The following SLC30A8 variants were observed in gnomAD, a reference collection of about 807,000 sequenced individuals.
SLC30A8 encodes the protein solute carrier family 30 member 8, also known as proton-coupled zinc antiporter SLC30A8.
SLC30A8 carries 27 observed loss-of-function variants against 36.9 expected under a neutral mutation model. The ratio of observed to expected loss-of-function variants is 0.73; its 90% confidence interval spans 0.54 to 1.01. The LOEUF (loss-of-function observed/expected upper bound fraction) is 1.01, where lower values mean the gene tolerates loss of function less well. Among genes scored for constraint, SLC30A8 ranks in the 50% least tolerant of loss-of-function variants. The pLI, the probability that SLC30A8 is intolerant of heterozygous loss-of-function variation, is 0.00. For missense variants in SLC30A8, 439 were observed against 452.0 expected, an observed-to-expected ratio of 0.97 and a Z score of 0.26; for synonymous variants, 164 against 172.4, an observed-to-expected ratio of 0.95 and a Z score of 0.38.
In SLC30A8 at chr8:117,032,069, T is replaced by A. The variant is rs985612737; in HGVS notation, c.-265-7150T>A. ...GGTTGTATGCTCCCAAGCCTTTGAT[T>A]ATAGCACCTTACGCCTCAGCCCATC... On this transcript the variant is annotated intron_variant, in intron 1 of 10. Transcript: ENST00000427715. Among the ~76,000 whole-genome samples the A allele has an allele frequency of 2.6e-5, 4 of 152,176 alleles. 1 individual carries two copies. The highest frequency in any genetic ancestry group is 2.6e-4 in the Admixed American group (4 of 15,280).
rs1441754074 is a variant in SLC30A8, at chr8:117,052,358, C to A, written c.-226+13100C>A. Among the ~76,000 whole-genome samples the A allele has an allele frequency of 2.0e-5, 3 of 152,190 alleles. No homozygotes were observed. In the East Asian group the frequency reaches 5.8e-4, roughly 29 times the overall value. The stretch of plus-strand genomic sequence containing the variant: ...ACCCAGCCTCAGGTATTCCTTTGTT[C>A]CTCAGCAATGCAAATGGACTAACAC... On this transcript the variant is annotated intron_variant, in intron 2 of 10. Transcript: ENST00000427715.
intron 1 of SLC30A8, among the ~76,000 whole-genome samples, chr8:116,972,455 T>C (rs778091247): frequency 3.3e-5 from 5 of 152,226 alleles, no homozygotes; most frequent in African/African-American, 9.7e-5. Context: ...TGGGTTAAGA[T>C]GGTTAGGACC....
intron 1 of SLC30A8, among the ~76,000 whole-genome samples, chr8:116,987,942 G>A (rs112629775): frequency 0.032 from 4,934 of 152,162 alleles, 246 homozygotes; most frequent in African/African-American, 0.11. Context: ...CAAGTGATCC[G>A]CCTGCCTTGG....
At chr8:116,974,703 T>C (rs936521187) in intron 1 of SLC30A8, among the ~76,000 whole-genome samples, 1 of 151,930 alleles carries the variant, frequency 6.6e-6, no homozygotes, top group Non-Finnish European at 1.5e-5. Context: ...ACCCAAAGGA[T>C]TATAAATCAT....
chr8:117,050,836 A>G (rs1817685716), intron 2 of SLC30A8, among the ~76,000 whole-genome samples: 1 of 152,216 alleles, frequency 6.6e-6, no homozygotes, highest in Non-Finnish European at 1.5e-5. Context: ...AACAGTGGAG[A>G]AGAGCAAAGG....
At chr8:117,144,311 T>G (rs374999657) in intron 1 of SLC30A8, among the ~76,000 whole-genome samples, 83 of 152,330 alleles carry the variant, frequency 5.4e-4, no homozygotes, top group Non-Finnish European at 9.8e-4. Context: ...GAAGATTGTT[T>G]GGAACTACTC....
intron 3 of SLC30A8, among the ~76,000 whole-genome samples, chr8:117,153,771 C>G (rs1822323031): frequency 7.1e-6 from 1 of 140,318 alleles, no homozygotes; most frequent in Non-Finnish European, 1.6e-5. Context: ...TTCTTTATTG[C>G]TCAGTTGACT....
At chr8:116,955,572 A>G (rs979038130) in intron 1 of SLC30A8, among the ~76,000 whole-genome samples, 1 of 152,030 alleles carries the variant, frequency 6.6e-6, no homozygotes, top group African/African-American at 2.4e-5. Flanking sequence ...TCTACTAAAA[A>G]TATAAAAATT....
At chr8:117,131,535 A>C (rs1420656466), upstream of SLC30A8, among the ~76,000 whole-genome samples, 2 of 152,004 alleles carry the variant, frequency 1.3e-5, no homozygotes, top group Non-Finnish European at 2.9e-5. Flanking sequence ...GGCAGACATC[A>C]ATCTAATTTG....
At chr8:116,983,648 T>C (rs7842705) in intron 1 of SLC30A8, among the ~76,000 whole-genome samples, 77,004 of 151,904 alleles carry the variant, frequency 0.51, 20,092 homozygotes, top group African/African-American at 0.62. Context: ...TTCTATGTTA[T>C]TTGCTTTCTT....
At chr8:117,113,872 TAGATGCACTGAGTGTGGTTC>T (rs1209587910) in intron 2 of SLC30A8, among the ~76,000 whole-genome samples, 7 of 152,142 alleles carry the variant, frequency 4.6e-5, no homozygotes, top group Non-Finnish European at 1.0e-4. Flanking sequence ...TACAATAATG[TAGATGCACTGAGTGTGGTTC>T]AGACAATAGG....
rs185960613 is a variant in SLC30A8 at position 117,144,954 on chromosome 8, T to C, written c.72-2000T>C. Among the ~76,000 whole-genome samples the C allele has an allele frequency of 4.8e-3, 731 of 152,266 alleles. 4 individuals are homozygous for C. Among genetic ancestry groups the C allele is most frequent in the Non-Finnish European group, 7.6e-3 (516 of 68,014 alleles). On this transcript the variant is annotated intron_variant, in intron 1 of 7. Coordinates refer to ENST00000456015, the MANE Select transcript of SLC30A8 (RefSeq NM_173851.3). ...TCATTTAGCTAAATCCACATGCACA[T>C]CAAGACTGTTGTGTAGCAGTTTGAG...
intron 7 of SLC30A8, among the ~76,000 whole-genome samples, chr8:117,171,800 A>G (rs1486302400): frequency 6.6e-6 from 1 of 152,150 alleles, no homozygotes; most frequent in Non-Finnish European, 1.5e-5. Flanking sequence ...CTGCCTCAAG[A>G]GAAAGCTCAG....
At chr8:116,958,504 G>T (rs1267802538) in intron 1 of SLC30A8, among the ~76,000 whole-genome samples, 1 of 152,046 alleles carries the variant, frequency 6.6e-6, no homozygotes, top group Non-Finnish European at 1.5e-5. Context: ...ATTCTTCACT[G>T]TCTCTTGCTT....
At chr8:117,154,010 T>A (rs1822337924) in intron 3 of SLC30A8, among the ~76,000 whole-genome samples, 1 of 152,116 alleles carries the variant, frequency 6.6e-6, no homozygotes, top group African/African-American at 2.4e-5. Context: ...CATAAATAAC[T>A]TAACCAAGTA....
intron 1 of SLC30A8, among the ~76,000 whole-genome samples, chr8:116,995,483 T>C (rs191963796): frequency 1.3e-5 from 2 of 152,168 alleles, no homozygotes; most frequent in East Asian, 3.9e-4. Context: ...TATAAAAGCA[T>C]GAAAACCCCT....
intron 1 of SLC30A8, among the ~76,000 whole-genome samples, chr8:116,993,248 A>G (rs1279345673): frequency 6.6e-6 from 1 of 152,078 alleles, no homozygotes; most frequent in East Asian, 1.9e-4. Flanking sequence ...GGCAAGATGG[A>G]GCAACCTCAG....
Position 117,172,898 on chromosome 8 carries a change from A to G in SLC30A8, c.*217A>G, listed in dbSNP as rs1338959871. 3.5e-6 allele frequency: 2 copies of G among 578,154 alleles called. No homozygotes were observed. The highest frequency in any genetic ancestry group is 2.2e-5 in the South Asian group (1 of 46,298). 35.8% of individuals were successfully genotyped at this position (578,154 alleles called of 1,614,324 possible). On this transcript the variant is annotated 3_prime_UTR_variant, in exon 8 of 8. Coordinates refer to ENST00000456015, the MANE Select transcript of SLC30A8 (RefSeq NM_173851.3). ...ATATACTGATCAGTAGCTGTGTTCA[A>G]TTGCAGGAATGTGTATATAGATTAT...
intron 2 of SLC30A8, among the ~76,000 whole-genome samples, chr8:117,092,423 A>C (rs79067682): frequency 1.3e-5 from 2 of 151,898 alleles, no homozygotes; most frequent in African/African-American, 4.8e-5. Flanking sequence ...AAAAAAAAAA[A>C]CCCTTTGGAT....
Sources: allele counts gnomAD v4.1 joint callset (sites outside exome capture counted in the v4.1 genomes callset), GRCh38; gene constraint gnomAD v4.1.1; transcripts MANE v1.5; gene names NCBI Gene and HGNC (gene_info 2026-07-23, HGNC 2026-07-21).